Variants in NFIL3 observed in about 807,000 individuals in gnomAD.
NFIL3 encodes nuclear factor interleukin-3-regulated protein.
A neutral mutation model predicts 10.0 loss-of-function variants in NFIL3; 5 were observed. The ratio of observed to expected loss-of-function variants is 0.50; its 90% CI spans 0.26 to 1.06. NFIL3 has a LOEUF of 1.06. Among genes scored for constraint, NFIL3 ranks in the 50% least tolerant of loss-of-function variants. The pLI is 0.13. For missense variants in NFIL3, 436 were observed against 547.6 expected (o/e 0.80, Z 2.03); for synonymous variants, 202 against 206.5 (o/e 0.98, Z 0.19).
At chr9:91,442,287 G>A in the NFIL3 span, among the ~76,000 whole-genome samples, 1 of 152,124 alleles carries the variant, frequency 6.6e-6, no homozygotes, top group Non-Finnish European at 1.5e-5. Context: ...GGCTTACAAG[G>A]TTTTTGCTGA....
chr9:91,468,805 C>T, the NFIL3 span, among the ~76,000 whole-genome samples: 6 of 152,140 alleles, frequency 3.9e-5, no homozygotes, highest in Admixed American at 3.3e-4. Context: ...ATCCTTTCCC[C>T]ATTTCTTGTT....
the NFIL3 span, among the ~76,000 whole-genome samples, chr9:91,471,750 T>C: frequency 6.6e-6 from 1 of 152,288 alleles, no homozygotes; most frequent in South Asian, 2.1e-4. Context: ...GTCATTACAA[T>C]GTTAGCTTGT....
At chr9:91,419,178 C>T (rs1169888159) in intron 1 of NFIL3, among the ~76,000 whole-genome samples, 2 of 152,262 alleles carry the variant, frequency 1.3e-5, no homozygotes, top group East Asian at 1.9e-4. Context: ...CCCAAGTGTG[C>T]TCTCATTCCT....
the NFIL3 span, among the ~76,000 whole-genome samples, chr9:91,446,569 C>T: frequency 6.6e-6 from 1 of 152,212 alleles, no homozygotes; most frequent in South Asian, 2.1e-4. Flanking sequence ...AAACCATTTT[C>T]ATCCTTCCAA....
At chr9:91,474,363 G>T in the NFIL3 span, among the ~76,000 whole-genome samples, 1 of 151,924 alleles carries the variant, frequency 6.6e-6, no homozygotes, top group Non-Finnish European at 1.5e-5. Flanking sequence ...TTTATTGAAG[G>T]CTTTTTCATC....
the NFIL3 span, among the ~76,000 whole-genome samples, chr9:91,438,435 A>AT: frequency 5.3e-5 from 8 of 151,906 alleles, no homozygotes; most frequent in South Asian, 2.1e-4. Flanking sequence ...AGGGTATACA[A>AT]TTTTTTTTCC....
the NFIL3 span, among the ~76,000 whole-genome samples, chr9:91,463,900 A>C: frequency 3.3e-5 from 5 of 152,210 alleles, no homozygotes; most frequent in South Asian, 1.0e-3. Flanking sequence ...ACTCCTTTAT[A>C]ATTATGTAAT....
At chr9:91,426,026 C>CTTT (rs1172633665), upstream of NFIL3, among the ~76,000 whole-genome samples, 2 of 152,146 alleles carry the variant, frequency 1.3e-5, no homozygotes, top group African/African-American at 4.8e-5. Flanking sequence ...TAGTAAATGT[C>CTTT]TTTCTTTAAA....
chr9:91,460,894 C>T, the NFIL3 span, among the ~76,000 whole-genome samples: 1 of 152,104 alleles, frequency 6.6e-6, no homozygotes, highest in Non-Finnish European at 1.5e-5. Context: ...TGCAAAAATG[C>T]CTAATATATC....
chr9:91,466,841 A>G, the NFIL3 span, among the ~76,000 whole-genome samples: 2 of 152,204 alleles, frequency 1.3e-5, no homozygotes, highest in East Asian at 1.9e-4. Flanking sequence ...TGGGCAGGCC[A>G]TGATACTCGG....
At chr9:91,476,837 T>G in the NFIL3 span, among the ~76,000 whole-genome samples, 1 of 152,162 alleles carries the variant, frequency 6.6e-6, no homozygotes, top group Admixed American at 6.5e-5. Context: ...CACTAAACAT[T>G]CCTATCAAAA....
At chr9:91,482,722 G>A in the NFIL3 span, among the ~76,000 whole-genome samples, 1 of 152,142 alleles carries the variant, frequency 6.6e-6, no homozygotes, top group South Asian at 2.1e-4. Context: ...GGCTAGTCTT[G>A]AACTCTGTGA....
the NFIL3 span, among the ~76,000 whole-genome samples, chr9:91,432,160 C>G: frequency 1.3e-5 from 2 of 152,154 alleles, no homozygotes; most frequent in African/African-American, 4.8e-5. Context: ...AGTTGGCACA[C>G]TGTCAGGTTA....
chr9:91,411,979 G>A (rs1012048633), intron 1 of NFIL3, among the ~76,000 whole-genome samples: 4 of 151,334 alleles, frequency 2.6e-5, no homozygotes, highest in African/African-American at 9.7e-5. Context: ...GTGTGTGCCT[G>A]TAATCCCAGC....
the NFIL3 span, among the ~76,000 whole-genome samples, chr9:91,476,251 T>C: frequency 6.6e-6 from 1 of 152,188 alleles, no homozygotes; most frequent in Non-Finnish European, 1.5e-5. Context: ...TGTAAAATGA[T>C]GCAAAACCAA....
chr9:91,482,193 G>A, the NFIL3 span, among the ~76,000 whole-genome samples: 1 of 152,132 alleles, frequency 6.6e-6, no homozygotes, highest in African/African-American at 2.4e-5. Flanking sequence ...CTGTACTTGA[G>A]GATGTCTATT....
At chr9:91,458,217 T>C in the NFIL3 span, among the ~76,000 whole-genome samples, 3 of 152,132 alleles carry the variant, frequency 2.0e-5, no homozygotes, top group African/African-American at 7.2e-5. Flanking sequence ...AGAATTAGTA[T>C]TATTATTTTC....
chr9:91,411,675 ATT>A (rs1009309945), intron 1 of NFIL3, among the ~76,000 whole-genome samples: 1 of 151,784 alleles, frequency 6.6e-6, no homozygotes, highest in Non-Finnish European at 1.5e-5. Context: ...AGAGATTAGA[ATT>A]TTTTTTTCTG....
chr9:91,436,644 G>A, the NFIL3 span, among the ~76,000 whole-genome samples: 1 of 152,152 alleles, frequency 6.6e-6, no homozygotes. Flanking sequence ...GGGGAGCTAA[G>A]GAGGAGTTAA....
Sources: gnomAD v4.1 joint callset for allele counts (sites outside exome capture counted in the v4.1 genomes callset) on GRCh38, gnomAD v4.1.1 for gene constraint, MANE v1.5 for transcripts, NCBI Gene and HGNC (gene_info 2026-07-23, HGNC 2026-07-21) for gene names.